STK32C: variants seen among roughly 807,000 people sequenced by gnomAD.
STK32C encodes the protein serine/threonine-protein kinase 32C.
A neutral mutation model predicts 56.5 loss-of-function variants in STK32C; 31 were observed. The observed-to-expected ratio is 0.55, with a 90% CI of 0.41 to 0.74. The LOEUF is 0.74. Among genes scored for constraint, STK32C ranks in the 30% least tolerant of loss-of-function variants. The probability of loss-of-function intolerance (pLI) is 0.00; values close to 1 mark genes in which losing one functional copy is unlikely to be tolerated. For synonymous variants in STK32C, 309 were observed against 289.4 expected (o/e 1.07, Z -0.69); for missense variants, 544 against 676.9 (o/e 0.80, Z 2.18).
intron 1 of STK32C, among the ~76,000 whole-genome samples, chr10:132,286,926 C>T (rs1057379626): frequency 6.6e-6 from 1 of 152,212 alleles, no homozygotes. Context: ...TAAAAGAAAG[C>T]AGCGAAATTG....
intron 1 of STK32C, among the ~76,000 whole-genome samples, chr10:132,268,367 GTCT>G (rs2064668661): frequency 7.2e-6 from 1 of 138,234 alleles, no homozygotes; most frequent in Non-Finnish European, 1.6e-5. Flanking sequence ...CTCTATGCCT[GTCT>G]GTGTGCATGC....
chr10:132,264,092 A>G (rs938577988), intron 1 of STK32C, among the ~76,000 whole-genome samples: 6 of 152,056 alleles, frequency 3.9e-5, no homozygotes, highest in Admixed American at 1.3e-4. Flanking sequence ...GGCGGTGGCG[A>G]CGGATGTAAT....
intron 1 of STK32C, among the ~76,000 whole-genome samples, chr10:132,294,310 G>A (rs139106160): frequency 1.1e-4 from 17 of 152,254 alleles, no homozygotes; most frequent in Middle Eastern, 3.4e-3. Context: ...GCCATAGGTC[G>A]AGGCCAAGGA....
At chr10:132,250,530 C>T (rs2063861827) in intron 1 of STK32C, among the ~76,000 whole-genome samples, 2 of 107,416 alleles carry the variant, frequency 1.9e-5, no homozygotes, top group South Asian at 4.0e-4. Flanking sequence ...GTGTGAGGCG[C>T]ACGGGACAGG....
At chr10:132,299,503 AAACT>A (rs1280706093) in intron 1 of STK32C, among the ~76,000 whole-genome samples, 2 of 152,232 alleles carry the variant, frequency 1.3e-5, no homozygotes, top group African/African-American at 2.4e-5. Context: ...AGCCAACAGC[AAACT>A]AACTGAGACC....
chr10:132,286,265 C>G (rs1224881122), intron 1 of STK32C, among the ~76,000 whole-genome samples: 1 of 152,194 alleles, frequency 6.6e-6, no homozygotes, highest in Non-Finnish European at 1.5e-5. Context: ...AATCCTTTAT[C>G]TCCTAAAGAA....
chr10:132,242,309 G>A (rs536898373), intron 2 of STK32C, among the ~76,000 whole-genome samples: 3 of 152,102 alleles, frequency 2.0e-5, no homozygotes, highest in South Asian at 2.1e-4. Flanking sequence ...CGGGACGAGT[G>A]GGGGGAGTGC....
Position 132,307,533 on chromosome 10 carries a change from A to AGC in STK32C, c.262+37_262+38dup. 1 of 1,465,026 alleles carries AGC rather than the reference A, an allele frequency of 6.8e-7. No individual in the cohort carries two copies. The highest frequency in any genetic ancestry group is 9.1e-7 in the Non-Finnish European group (1 of 1,099,602). 90.8% of individuals were successfully genotyped at this position (1,465,026 alleles called of 1,614,324 possible). A position where few individuals can be genotyped will look rare whatever the true frequency, so the allele number is the denominator to read the frequency against. ...GCCCAGCCGCGCCCGCCCCTGCAAT[A>AGC]GCGCGCGGCCCCCACGTCGTCCCCG... On this transcript the variant is annotated intron_variant, in intron 1 of 11. Transcript: ENST00000298630. The surrounding 1 kb of genome is among the most constrained non-coding windows in gnomAD (Gnocchi z 4.4).
intron 1 of STK32C, among the ~76,000 whole-genome samples, chr10:132,261,589 AC>A (rs2064309480): frequency 6.6e-6 from 1 of 151,976 alleles, no homozygotes; most frequent in South Asian, 2.1e-4. Flanking sequence ...ACACGGTAAA[AC>A]CCTGTCTCTA....
At chr10:132,273,011 C>A (rs1300275948) in intron 1 of STK32C, among the ~76,000 whole-genome samples, 1 of 152,214 alleles carries the variant, frequency 6.6e-6, no homozygotes, top group Non-Finnish European at 1.5e-5. Flanking sequence ...GCACCCTGGG[C>A]TCACCATATC....
At chr10:132,223,223 C>T (rs1432609257) in intron 8 of STK32C, among the ~76,000 whole-genome samples, 2 of 150,246 alleles carry the variant, frequency 1.3e-5, no homozygotes, top group Admixed American at 6.6e-5. Context: ...CTACCTAAAC[C>T]CCTGGCGCCA....
chr10:132,260,016 C>T (rs900183718), intron 1 of STK32C, among the ~76,000 whole-genome samples: 3 of 151,990 alleles, frequency 2.0e-5, no homozygotes, highest in African/African-American at 7.3e-5. Context: ...GCACGCATCA[C>T]GGAGGCCCCA....
intron 1 of STK32C, among the ~76,000 whole-genome samples, chr10:132,270,454 C>T (rs1010313659): frequency 8.5e-5 from 13 of 152,180 alleles, no homozygotes; most frequent in African/African-American, 2.7e-4. Context: ...CTGGAATTGG[C>T]GAGAGCAAAC....
intron 1 of STK32C, among the ~76,000 whole-genome samples, chr10:132,265,208 G>T (rs940175844): frequency 5.5e-5 from 8 of 144,392 alleles, no homozygotes; most frequent in African/African-American, 1.7e-4. Context: ...AGTGAGGTGG[G>T]CTCTGGGGGA....
At chr10:132,301,505 G>A (rs545684273) in intron 1 of STK32C, among the ~76,000 whole-genome samples, 14 of 152,312 alleles carry the variant, frequency 9.2e-5, no homozygotes, top group African/African-American at 3.4e-4. Flanking sequence ...GGGGGTCCCC[G>A]GGGAAGACAA....
At chr10:132,222,796 C>T in intron 9 of STK32C, 24 bp from the exon 10 acceptor site, 1 of 1,593,406 alleles carries the variant, frequency 6.3e-7, no homozygotes, top group Non-Finnish European at 8.5e-7. Context: ...GGTGCTGAGC[C>T]CCGGCCCGTG....
chr10:132,268,433 G>A (rs1348758646), intron 1 of STK32C, among the ~76,000 whole-genome samples: 1 of 108,322 alleles, frequency 9.2e-6, no homozygotes, highest in African/African-American at 3.6e-5. Flanking sequence ...GTATGCAGGT[G>A]CAGCTCTATG....
At chr10:132,300,687 C>A (rs1445274784) in intron 1 of STK32C, among the ~76,000 whole-genome samples, 1 of 152,174 alleles carries the variant, frequency 6.6e-6, no homozygotes, top group African/African-American at 2.4e-5. Context: ...GAGGGGCCTG[C>A]GTCTCTGCCC....
intron 1 of STK32C, among the ~76,000 whole-genome samples, chr10:132,281,488 C>T (rs1035904856): frequency 6.6e-6 from 1 of 152,224 alleles, no homozygotes; most frequent in Non-Finnish European, 1.5e-5. Context: ...TGCCAGCTCA[C>T]GTCTTAGTGG....
Sources: gnomAD v4.1 joint callset for allele counts (sites outside exome capture counted in the v4.1 genomes callset) on GRCh38, gnomAD v4.1.1 for gene constraint, Gnocchi (gnomAD v3.1) non-coding constraint, MANE v1.5 for transcripts, NCBI Gene and HGNC (gene_info 2026-07-23, HGNC 2026-07-21) for gene names.